The following COL13A1 variants were observed in gnomAD, a reference collection of about 807,000 sequenced individuals.
The protein encoded by COL13A1 is collagen type XIII alpha 1 chain.
COL13A1 carries 89 observed loss-of-function variants against 130.9 expected under a neutral mutation model. That is an observed-to-expected ratio of 0.68 (90% CI 0.57 to 0.81). The LOEUF is 0.81. Ranked by LOEUF, COL13A1 falls within the 30% of genes least tolerant of loss-of-function variation. The probability of loss-of-function intolerance (pLI) is 0.00; values close to 1 mark genes in which losing one functional copy is unlikely to be tolerated. For missense variants in COL13A1, 879 were observed against 934.6 expected (o/e 0.94, Z 0.78); for synonymous variants, 402 against 341.6 (o/e 1.18, Z -1.95).
chr10:69,877,602 A>G (rs562813457), intron 5 of COL13A1: 52 of 175,784 alleles, frequency 3.0e-4, no homozygotes, highest in Admixed American at 1.2e-3. Flanking sequence ...TTCCTGACTT[A>G]GGTGGGATCT....
chr10:69,948,265 C>T (rs1427560589), intron 38 of COL13A1, among the ~76,000 whole-genome samples: 1 of 152,178 alleles, frequency 6.6e-6, no homozygotes, highest in Non-Finnish European at 1.5e-5. Flanking sequence ...TGTGGCTGAT[C>T]TTTGCACACT....
intron 10 of COL13A1, among the ~76,000 whole-genome samples, chr10:69,892,472 T>C (rs542972248): frequency 6.6e-6 from 1 of 152,078 alleles, no homozygotes; most frequent in African/African-American, 2.4e-5. Flanking sequence ...GTGGACAAGA[T>C]TGGGGGTCTG....
chr10:69,928,440 T>G (rs184791713), intron 27 of COL13A1, among the ~76,000 whole-genome samples: 1 of 152,216 alleles, frequency 6.6e-6, no homozygotes, highest in Non-Finnish European at 1.5e-5. Context: ...TAGAGCTTCA[T>G]GTAAATGGAA....
chr10:69,885,576 A>T (rs555617565), intron 7 of COL13A1, among the ~76,000 whole-genome samples: 3 of 152,266 alleles, frequency 2.0e-5, no homozygotes, highest in Admixed American at 2.0e-4. Flanking sequence ...CTGGTTGGAG[A>T]CATTCATCCT....
At chr10:69,904,742 C>T (rs538547041) in intron 15 of COL13A1, among the ~76,000 whole-genome samples, 191 bp from the exon 16 acceptor site, 4 of 152,124 alleles carry the variant, frequency 2.6e-5, no homozygotes, top group Non-Finnish European at 5.9e-5. Context: ...GCCTGTTATC[C>T]CCACGTGCCC....
intron 1 of COL13A1, among the ~76,000 whole-genome samples, chr10:69,811,954 G>A (rs1843145814): frequency 6.6e-6 from 1 of 152,020 alleles, no homozygotes; most frequent in African/African-American, 2.4e-5. Context: ...AGCCTCTGCA[G>A]ACCTGTCCTC....
chr10:69,904,671 T>C (rs538086947), intron 15 of COL13A1, among the ~76,000 whole-genome samples: 2 of 152,248 alleles, frequency 1.3e-5, no homozygotes, highest in South Asian at 4.1e-4. Context: ...TGACCTACTT[T>C]CCATGGGTGA....
At chr10:69,849,704 G>C (rs12357978) in intron 2 of COL13A1, among the ~76,000 whole-genome samples, 31,976 of 152,054 alleles carry the variant, frequency 0.21, 3,545 homozygotes, top group Middle Eastern at 0.38. Context: ...CTCGACCTGT[G>C]CCCAGCGCAG....
At chr10:69,949,344 G>A (rs555548659) in intron 38 of COL13A1, among the ~76,000 whole-genome samples, 61 of 152,216 alleles carry the variant, frequency 4.0e-4, no homozygotes, top group Non-Finnish European at 7.4e-4. Flanking sequence ...CACCACGCCC[G>A]GCTAATTTTT....
At chr10:69,888,280 T>G in intron 8 of COL13A1, 24 bp from the exon 9 acceptor site, 1 of 1,612,492 alleles carries the variant, frequency 6.2e-7, no homozygotes, top group Non-Finnish European at 8.5e-7. Flanking sequence ...GCTCAGTCTT[T>G]ACATCTGGCC....
At chr10:69,936,580 C>T (rs1167221959) in intron 32 of COL13A1, among the ~76,000 whole-genome samples, 176 bp from the exon 33 acceptor site, 1 of 152,034 alleles carries the variant, frequency 6.6e-6, no homozygotes, top group Non-Finnish European at 1.5e-5. Flanking sequence ...AGACTATTCC[C>T]TAGGAAGCCC....
chr10:69,871,804 A>C (rs2059098535), intron 3 of COL13A1, among the ~76,000 whole-genome samples: 1 of 152,226 alleles, frequency 6.6e-6, no homozygotes, highest in African/African-American at 2.4e-5. Context: ...GCATTTATTT[A>C]GGATTTGCTA....
chr10:69,812,937 G>T (rs1193203034), intron 1 of COL13A1, among the ~76,000 whole-genome samples: 1 of 152,138 alleles, frequency 6.6e-6, no homozygotes, highest in Non-Finnish European at 1.5e-5. Context: ...TCCATGCCCC[G>T]GCTGGCTCTC....
rs866360901 is a variant in COL13A1, at chr10:69,874,999, G to A, written c.400-129G>A. 9.8e-5 allele frequency: 102 copies of A among 1,039,476 alleles called. 1 individual carries two copies. In the Middle Eastern group the frequency reaches 2.2e-3, roughly 23 times the overall value. 64.4% of individuals were successfully genotyped at this position (1,039,476 alleles called of 1,614,324 possible). Reference sequence around the variant, plus strand: ...CCTACATGATGCTTGGGCATCATACGGGATGTCGTCCCCGCTGCAAACTGG... The same window carrying A: ...CCTACATGATGCTTGGGCATCATACAGGATGTCGTCCCCGCTGCAAACTGG... On this transcript the variant is annotated intron_variant, in intron 4 of 40. Coordinates refer to ENST00000645393, the MANE Select transcript of COL13A1 (RefSeq NM_001368882.1).
chr10:69,864,775 G>T (rs76510441), intron 2 of COL13A1, among the ~76,000 whole-genome samples: 2,409 of 152,306 alleles, frequency 0.016, 30 homozygotes, highest in Non-Finnish European at 0.025. Context: ...GTCAAACCCC[G>T]GCGGAGAACG....
At chr10:69,890,805 A>G (rs1055204181) in intron 10 of COL13A1, among the ~76,000 whole-genome samples, 1 of 152,192 alleles carries the variant, frequency 6.6e-6, no homozygotes, top group African/African-American at 2.4e-5. Context: ...GACTGTCTCA[A>G]TCCTCAGCGT....
At chr10:69,844,741 G>A (rs982510993) in intron 2 of COL13A1, among the ~76,000 whole-genome samples, 17 of 152,332 alleles carry the variant, frequency 1.1e-4, no homozygotes, top group African/African-American at 3.1e-4. Flanking sequence ...ATGTTGGCCC[G>A]TCATACCTCA....
intron 38 of COL13A1, among the ~76,000 whole-genome samples, chr10:69,949,950 G>GTGTGTGTGTGTGCA: frequency 9.3e-6 from 1 of 107,402 alleles, no homozygotes; most frequent in South Asian, 3.3e-4. Context: ...GTGTGTGTGC[G>GTGTGTGTGTGTGCA]TGTGTTTGTG....
At chr10:69,893,683 G>A (rs1037142724) in intron 10 of COL13A1, among the ~76,000 whole-genome samples, 2 of 152,250 alleles carry the variant, frequency 1.3e-5, no homozygotes, top group South Asian at 2.1e-4. Context: ...TTTGGCAGTG[G>A]AAACAGCTGG....
Sources: gnomAD v4.1 joint callset for allele counts (sites outside exome capture counted in the v4.1 genomes callset) on GRCh38, gnomAD v4.1.1 for gene constraint, MANE v1.5 for transcripts, NCBI Gene and HGNC (gene_info 2026-07-23, HGNC 2026-07-21) for gene names.